SLC25A26: variants seen among roughly 807,000 people sequenced by gnomAD.
The protein encoded by SLC25A26 is mitochondrial S-adenosylmethionine carrier protein.
Under a neutral mutation model 37.8 loss-of-function variants are expected in SLC25A26, and 36 were observed. The observed-to-expected ratio is 0.95, with a 90% CI of 0.73 to 1.26. The LOEUF (loss-of-function observed/expected upper bound fraction) is 1.26. SLC25A26 is among the 50% of genes most tolerant of loss of function. SLC25A26 has a pLI of 0.00. For missense variants in SLC25A26, 390 were observed against 331.1 expected (o/e 1.18, Z -1.38); for synonymous variants, 129 against 122.5 (o/e 1.05, Z -0.35).
intron 5 of SLC25A26, among the ~76,000 whole-genome samples, chr3:66,308,486 C>G (rs917894873): frequency 1.3e-5 from 2 of 152,038 alleles, no homozygotes; most frequent in South Asian, 4.1e-4. Context: ...ATTTGAATAC[C>G]CTTTATTTCT....
chr3:66,317,671 T>C (rs1054463247), intron 5 of SLC25A26, among the ~76,000 whole-genome samples: 1 of 152,174 alleles, frequency 6.6e-6, no homozygotes, highest in Non-Finnish European at 1.5e-5. Context: ...GGAATCCCCC[T>C]CATCCAGGCT....
chr3:66,284,100 A>C lies in SLC25A26; in HGVS notation c.453+20721A>C, dbSNP rs1466307504. On this transcript the variant is annotated intron_variant, in intron 5 of 9. Coordinates refer to ENST00000354883, the MANE Select transcript of SLC25A26 (RefSeq NM_001379210.1). ...GGTGGCTCATGCCTGTTATCCCAGC[A>C]CTTTGGGAGGCTGAGGCAAGAGGGT... Among the ~76,000 whole-genome samples the C allele has an allele frequency of 5.9e-5, 9 of 152,348 alleles. No homozygotes were observed. In the East Asian group the frequency reaches 1.7e-3, roughly 29 times the overall value.
At chr3:66,257,316 T>C (rs1243110966) in intron 3 of SLC25A26, among the ~76,000 whole-genome samples, 2 of 152,076 alleles carry the variant, frequency 1.3e-5, no homozygotes, top group African/African-American at 4.8e-5. Context: ...TGCATAAATA[T>C]ATACATTATT....
chr3:66,164,384 C>T (rs1289728216), intron 1 of SLC25A26, among the ~76,000 whole-genome samples: 2 of 152,094 alleles, frequency 1.3e-5, no homozygotes, highest in Non-Finnish European at 2.9e-5. Flanking sequence ...GCTCCATTCT[C>T]ACAAATAACT....
At chr3:66,324,952 A>G (rs1235330604) in intron 5 of SLC25A26, among the ~76,000 whole-genome samples, 1 of 152,220 alleles carries the variant, frequency 6.6e-6, no homozygotes, top group African/African-American at 2.4e-5. Context: ...TTGATGGTGT[A>G]TATATGTACC....
intron 5 of SLC25A26, among the ~76,000 whole-genome samples, chr3:66,297,328 CAAA>C (rs34315256): frequency 0.56 from 59,607 of 105,734 alleles, 13,567 homozygotes; most frequent in East Asian, 0.72. Flanking sequence ...AACTCCATCT[CAAA>C]AAAAAAAAAA....
At chr3:66,240,882 A>G (rs1486267994) in intron 2 of SLC25A26, among the ~76,000 whole-genome samples, 1 of 151,018 alleles carries the variant, frequency 6.6e-6, no homozygotes, top group Non-Finnish European at 1.5e-5. Context: ...AGTAGCTGGG[A>G]CTACAGGCAC....
intron 6 of SLC25A26, among the ~76,000 whole-genome samples, chr3:66,352,135 A>G (rs547220743): frequency 5.3e-4 from 81 of 152,256 alleles, no homozygotes; most frequent in African/African-American, 1.9e-3. Context: ...TGTAGTCCCA[A>G]CTATGTGGGA....
chr3:66,289,754 A>T (rs1421386429), intron 5 of SLC25A26, among the ~76,000 whole-genome samples: 3 of 152,200 alleles, frequency 2.0e-5, no homozygotes, highest in Admixed American at 6.5e-5. Context: ...AGGTAGCGTG[A>T]TGCCTCCAGC....
chr3:66,371,120 C>T, intron 9 of SLC25A26: 3 of 1,412,328 alleles, frequency 2.1e-6, no homozygotes, highest in Non-Finnish European at 2.8e-6. Flanking sequence ...AAGATTAAAA[C>T]ATTGCTTTGA....
intron 5 of SLC25A26, among the ~76,000 whole-genome samples, chr3:66,324,613 A>G (rs1424107990): frequency 2.0e-5 from 3 of 152,178 alleles, no homozygotes; most frequent in East Asian, 1.9e-4. Context: ...GGCTGTTACC[A>G]TCTTTATTTC....
intron 5 of SLC25A26, among the ~76,000 whole-genome samples, chr3:66,325,182 G>C (rs909234465): frequency 3.9e-5 from 6 of 152,148 alleles, no homozygotes; most frequent in Admixed American, 3.3e-4. Context: ...TCAGTTTATG[G>C]GAGACGTAAG....
chr3:66,378,893 T>C lies in SLC25A26; in HGVS notation c.*1086T>C, dbSNP rs540706573. 1.0e-4 allele frequency: 16 copies of C among 152,784 alleles called. No homozygotes were observed. The East Asian group carries it at 1.2e-3, about 11-fold the overall frequency. The allele number at this position is 152,784 out of a possible 1,614,324, so 9.5% of individuals were successfully genotyped here. The stretch of plus-strand genomic sequence containing the variant: ...GTTTTCAATGTACACTGTACCAAAA[T>C]TTCTATAAATAAATAACTTTGTACA... On this transcript the variant is annotated 3_prime_UTR_variant, in exon 10 of 10. Coordinates refer to ENST00000354883, the MANE Select transcript of SLC25A26 (RefSeq NM_001379210.1).
chr3:66,296,030 T>C (rs1217550605), intron 5 of SLC25A26, among the ~76,000 whole-genome samples: 1 of 151,824 alleles, frequency 6.6e-6, no homozygotes, highest in East Asian at 2.0e-4. Context: ...GGCAGGAGAA[T>C]AGCTTGAACC....
rs769871437 is a variant in SLC25A26, at chr3:66,369,563, A to G, written c.633+21A>G. ...CAAAGGTAAGTGGTGAAATAATGTA[A>G]TGGAGATACTTCAGATGCTCATATC... On this transcript the variant is annotated intron_variant, in intron 8 of 9. Transcript: ENST00000354883. 4 of 1,562,358 alleles carry G rather than the reference A, an allele frequency of 2.6e-6. No individual in the cohort carries two copies. In the South Asian group the frequency reaches 4.7e-5, roughly 18 times the overall value.
intron 5 of SLC25A26, among the ~76,000 whole-genome samples, chr3:66,316,370 A>T (rs981898277): frequency 6.6e-6 from 1 of 152,118 alleles, no homozygotes; most frequent in African/African-American, 2.4e-5. Context: ...TCCTTTGCTT[A>T]TGAGGCTTAC....
At chr3:66,273,008 T>G (rs933139687) in intron 5 of SLC25A26, among the ~76,000 whole-genome samples, 1 of 152,102 alleles carries the variant, frequency 6.6e-6, no homozygotes. Context: ...ATGAAGGGTT[T>G]TTGAATCTTG....
intron 6 of SLC25A26, among the ~76,000 whole-genome samples, chr3:66,353,940 T>C (rs1415005702): frequency 6.6e-6 from 1 of 152,258 alleles, no homozygotes; most frequent in East Asian, 1.9e-4. Flanking sequence ...ATGTAACTAT[T>C]TGCTAATTGT....
chr3:66,330,025 T>G (rs1037625593), intron 5 of SLC25A26, among the ~76,000 whole-genome samples: 13 of 152,166 alleles, frequency 8.5e-5, no homozygotes, highest in Non-Finnish European at 1.6e-4. Flanking sequence ...GGGGCTTTGA[T>G]TCATTAGGAC....
Sources: allele counts gnomAD v4.1 joint callset (sites outside exome capture counted in the v4.1 genomes callset), GRCh38; gene constraint gnomAD v4.1.1; transcripts MANE v1.5; gene names NCBI Gene and HGNC (gene_info 2026-07-23, HGNC 2026-07-21).